TENM4: variants seen among roughly 807,000 people sequenced by gnomAD.
TENM4 encodes teneurin transmembrane protein 4.
TENM4 carries 82 observed loss-of-function variants against 243.3 expected under a neutral mutation model. That is an observed-to-expected ratio of 0.34 (90% CI 0.28 to 0.40). The LOEUF (loss-of-function observed/expected upper bound fraction) is 0.40. Ranked by LOEUF, TENM4 falls within the 10% of genes least tolerant of loss-of-function variation. The pLI, the probability that TENM4 is intolerant of heterozygous loss-of-function variation, is 1.00. For missense variants in TENM4, 3,138 were observed against 3,673.3 expected, an observed-to-expected ratio of 0.85 and a Z score of 3.77; for synonymous variants, 1,412 against 1,456.3, an observed-to-expected ratio of 0.97 and a Z score of 0.69.
At chr11:78,870,996 T>C (rs180880237) in intron 9 of TENM4, among the ~76,000 whole-genome samples, 201 of 152,298 alleles carry the variant, frequency 1.3e-3, no homozygotes, top group Non-Finnish European at 2.2e-3. Flanking sequence ...ATATAACTAA[T>C]TTAGGAGTTG....
chr11:78,765,152 T>C (rs1244320198), intron 18 of TENM4, among the ~76,000 whole-genome samples: 1 of 152,202 alleles, frequency 6.6e-6, no homozygotes, highest in African/African-American at 2.4e-5. Context: ...TTTACAATAG[T>C]ATCTGAGGAG....
chr11:78,676,071 G>A, intron 30 of TENM4, 81 bp downstream of exon 30: 1 of 1,308,884 alleles, frequency 7.6e-7, no homozygotes, highest in Non-Finnish European at 1.0e-6. Context: ...AGGTCCCAGG[G>A]AATTTCAAGA....
At chr11:79,153,913 A>G (rs1408195338) in intron 3 of TENM4, among the ~76,000 whole-genome samples, 2 of 152,092 alleles carry the variant, frequency 1.3e-5, no homozygotes, top group Non-Finnish European at 2.9e-5. Flanking sequence ...TCCATTTTGG[A>G]AGGACTTCAG....
At chr11:79,271,430 T>C (rs1855967170) in intron 2 of TENM4, among the ~76,000 whole-genome samples, 1 of 152,218 alleles carries the variant, frequency 6.6e-6, no homozygotes, top group Non-Finnish European at 1.5e-5. Context: ...GAGTGTTCTA[T>C]TTATAGGTCC....
chr11:79,272,132 A>T (rs505302), intron 2 of TENM4, among the ~76,000 whole-genome samples: 1 of 151,866 alleles, frequency 6.6e-6, no homozygotes. Flanking sequence ...CACCTCCCAC[A>T]TCCCACCTCC....
chr11:78,658,910 C>T, intron 33 of TENM4, 94 bp from the exon 34 acceptor site: 1 of 1,403,928 alleles, frequency 7.1e-7, no homozygotes, highest in African/African-American at 1.4e-5. Context: ...GTCAAAACCA[C>T]ACATATTTAT....
At chr11:79,334,773 T>C (rs960837909) in intron 1 of TENM4, among the ~76,000 whole-genome samples, 1 of 152,226 alleles carries the variant, frequency 6.6e-6, no homozygotes. Context: ...ATGTTGCATA[T>C]GACTGAGAAA....
intron 9 of TENM4, among the ~76,000 whole-genome samples, chr11:78,864,313 A>C (rs900610524): frequency 2.7e-5 from 4 of 150,870 alleles, no homozygotes; most frequent in Non-Finnish European, 5.9e-5. Context: ...GGGCGCCTGT[A>C]GTCCCAGCTA....
Position 79,128,332 on chromosome 11 carries a change from G to C in TENM4, c.-66+20378C>G, listed in dbSNP as rs536268049. Among the ~76,000 whole-genome samples, 228 of 152,284 alleles carry C rather than the reference G, an allele frequency of 1.5e-3. 1 individual carries two copies. Among genetic ancestry groups the C allele is most frequent in the Non-Finnish European group, 2.7e-3 (186 of 68,026 alleles). On this transcript the variant is annotated intron_variant, in intron 4 of 33. Coordinates refer to ENST00000278550, the MANE Select transcript of TENM4 (RefSeq NM_001098816.3). ...ATCAAGTCACCATGAAACCTGTACT[G>C]TCTATCATGAACTGGGTGCTTTCAG...
chr11:78,724,162 G>A (rs1855462756), intron 23 of TENM4, among the ~76,000 whole-genome samples: 1 of 151,762 alleles, frequency 6.6e-6, no homozygotes, highest in Non-Finnish European at 1.5e-5. Flanking sequence ...TGACTTAACT[G>A]TAGCCTTGAA....
At chr11:79,432,857 G>C (rs1457128473) in intron 1 of TENM4, among the ~76,000 whole-genome samples, 1 of 152,196 alleles carries the variant, frequency 6.6e-6, no homozygotes, top group African/African-American at 2.4e-5. Context: ...AGGAGCCAGA[G>C]AGGCCTACCA....
intron 3 of TENM4, 89 bp from the exon 4 acceptor site, chr11:79,148,895 G>T (rs1862443375): frequency 7.0e-6 from 2 of 287,004 alleles, no homozygotes; most frequent in Non-Finnish European, 5.2e-6. Context: ...AGCTTGGGAG[G>T]TGGGGGTGAG....
intron 6 of TENM4, among the ~76,000 whole-genome samples, chr11:78,976,961 C>T (rs561725177): frequency 6.6e-6 from 1 of 152,344 alleles, no homozygotes; most frequent in African/African-American, 2.4e-5. Context: ...CACTCTCGCA[C>T]TCAGCAATAT....
At chr11:79,220,033 G>C (rs1035187211) in intron 2 of TENM4, among the ~76,000 whole-genome samples, 7 of 152,206 alleles carry the variant, frequency 4.6e-5, no homozygotes, top group Admixed American at 3.9e-4. Context: ...CGGAGCAGTG[G>C]ATACAGAAAC....
At chr11:78,878,037 C>T (rs1015146895) in intron 9 of TENM4, among the ~76,000 whole-genome samples, 3 of 152,322 alleles carry the variant, frequency 2.0e-5, no homozygotes, top group African/African-American at 7.2e-5. Flanking sequence ...CAGCAGCCGC[C>T]TCTGGCTTTG....
chr11:79,428,286 T>C (rs1478836401), intron 1 of TENM4, among the ~76,000 whole-genome samples: 1 of 152,196 alleles, frequency 6.6e-6, no homozygotes, highest in East Asian at 1.9e-4. Context: ...TGAGAAGATC[T>C]CAAGAAAAAA....
At chr11:79,068,643 G>T (rs947002792) in intron 5 of TENM4, among the ~76,000 whole-genome samples, 1 of 152,214 alleles carries the variant, frequency 6.6e-6, no homozygotes, top group Non-Finnish European at 1.5e-5. Flanking sequence ...TGTGAAGGGG[G>T]AGAAGGGCAG....
chr11:79,258,873 T>C (rs1855744313), intron 2 of TENM4, among the ~76,000 whole-genome samples: 1 of 152,190 alleles, frequency 6.6e-6, no homozygotes, highest in Non-Finnish European at 1.5e-5. Context: ...AGGCAAATCA[T>C]CTTTATGCTC....
intron 2 of TENM4, among the ~76,000 whole-genome samples, chr11:79,230,656 A>T (rs1407324584): frequency 1.3e-5 from 2 of 152,230 alleles, no homozygotes; most frequent in Admixed American, 6.5e-5. Context: ...AAATCACTTT[A>T]TAAAAGTCAA....
Sources: allele counts gnomAD v4.1 joint callset (sites outside exome capture counted in the v4.1 genomes callset), GRCh38; gene constraint gnomAD v4.1.1; transcripts MANE v1.5; gene names NCBI Gene and HGNC (gene_info 2026-07-23, HGNC 2026-07-21).